Variants in LOXHD1 observed in about 807,000 individuals in gnomAD.
LOXHD1 encodes the protein lipoxygenase homology PLAT domains 1.
In LOXHD1, 205 loss-of-function variants were observed where a neutral mutation model predicts 248.2. The observed-to-expected ratio is 0.83, with a 90% CI of 0.74 to 0.93. The LOEUF is 0.93. Ranked by LOEUF, LOXHD1 falls within the 40% of genes least tolerant of loss-of-function variation. The probability of loss-of-function intolerance (pLI) is 0.00; values close to 1 mark genes in which losing one functional copy is unlikely to be tolerated. For synonymous variants in LOXHD1, 1,113 were observed against 1,162.8 expected (o/e 0.96, Z 0.87); for missense variants, 2,930 against 2,971.6 (o/e 0.99, Z 0.33).
At chr18:46,648,900 C>G (rs2039069846) in intron 2 of LOXHD1, among the ~76,000 whole-genome samples, 1 of 152,204 alleles carries the variant, frequency 6.6e-6, no homozygotes, top group African/African-American at 2.4e-5. Context: ...TATGGGACAG[C>G]TAATATGGAT....
At chr18:46,525,327 G>A (rs1476051430) in intron 29 of LOXHD1, among the ~76,000 whole-genome samples, 5 of 152,168 alleles carry the variant, frequency 3.3e-5, no homozygotes, top group African/African-American at 7.2e-5. Flanking sequence ...TGTGGCAACC[G>A]GAGGGCAAAA....
intron 21 of LOXHD1, among the ~76,000 whole-genome samples, chr18:46,551,266 C>A (rs2037092915): frequency 6.6e-6 from 1 of 152,056 alleles, no homozygotes; most frequent in African/African-American, 2.4e-5. Flanking sequence ...CCACGTCTGG[C>A]TAATTTTTTG....
chr18:46,613,657 G>C (rs35745769), intron 5 of LOXHD1, among the ~76,000 whole-genome samples: 298 of 152,154 alleles, frequency 2.0e-3, no homozygotes, highest in Middle Eastern at 3.4e-3. Context: ...GTGCTTTCAA[G>C]TTTTCAAAAT....
intron 23 of LOXHD1, among the ~76,000 whole-genome samples, chr18:46,543,541 AT>A (rs1310111555): frequency 6.6e-6 from 1 of 151,886 alleles, no homozygotes; most frequent in Admixed American, 6.6e-5. Flanking sequence ...TACATTAGTT[AT>A]TTCTCCTAAG....
chr18:46,511,973 C>A (rs1449499712), intron 34 of LOXHD1, among the ~76,000 whole-genome samples: 1 of 152,092 alleles, frequency 6.6e-6, no homozygotes, highest in Non-Finnish European at 1.5e-5. Flanking sequence ...TTTAATCAAC[C>A]CCCATCTTGC....
chr18:46,634,630 C>T (rs2038869618), intron 4 of LOXHD1, among the ~76,000 whole-genome samples: 1 of 152,084 alleles, frequency 6.6e-6, no homozygotes, highest in South Asian at 2.1e-4. Flanking sequence ...CTCAGTAGGC[C>T]TATGCAAGCA....
At chr18:46,636,741 T>C (rs1051476552) in intron 4 of LOXHD1, among the ~76,000 whole-genome samples, 1 of 152,206 alleles carries the variant, frequency 6.6e-6, no homozygotes, top group Non-Finnish European at 1.5e-5. Context: ...ACTTCATGGA[T>C]GAAATAATAG....
intron 14 of LOXHD1, among the ~76,000 whole-genome samples, 192 bp from the exon 15 acceptor site, chr18:46,572,354 T>C (rs891713547): frequency 6.6e-6 from 1 of 152,018 alleles, no homozygotes; most frequent in African/African-American, 2.4e-5. Context: ...GGCAGTGGTG[T>C]TTGGCTGAGA....
At chr18:46,547,799 T>C (rs1269813848) in intron 21 of LOXHD1, among the ~76,000 whole-genome samples, 1 of 152,206 alleles carries the variant, frequency 6.6e-6, no homozygotes, top group Non-Finnish European at 1.5e-5. Context: ...AGCCAATAGT[T>C]ACAAAATCCC....
At chr18:46,595,848 G>T (rs1287993254) in intron 8 of LOXHD1, among the ~76,000 whole-genome samples, 2 of 152,130 alleles carry the variant, frequency 1.3e-5, no homozygotes, top group Non-Finnish European at 2.9e-5. Context: ...CTCTTGAATT[G>T]TTCTCTCATT....
chr18:46,519,293 G>A (rs2035443475), intron 33 of LOXHD1, among the ~76,000 whole-genome samples: 1 of 152,192 alleles, frequency 6.6e-6, no homozygotes, highest in South Asian at 2.1e-4. Flanking sequence ...TCTGGAGGCT[G>A]CTACATTCCT....
chr18:46,603,445 C>T (rs552466262), intron 7 of LOXHD1, among the ~76,000 whole-genome samples: 1 of 152,142 alleles, frequency 6.6e-6, no homozygotes, highest in East Asian at 1.9e-4. Flanking sequence ...TGGATTTTCT[C>T]CCATGGTGAG....
At chr18:46,592,686 C>T in intron 10 of LOXHD1, 102 bp from the exon 11 acceptor site, 1 of 938,506 alleles carries the variant, frequency 1.1e-6, no homozygotes, top group Non-Finnish European at 1.7e-6. Flanking sequence ...TGGGCTCTTT[C>T]TTCAGCAGTG....
chr18:46,567,622 G>A (rs1042127215), intron 16 of LOXHD1, among the ~76,000 whole-genome samples: 1 of 152,214 alleles, frequency 6.6e-6, no homozygotes, highest in African/African-American at 2.4e-5. Context: ...CACTAGCTCA[G>A]TTCTACAACA....
At chr18:46,560,932 C>T (rs760913657) in intron 18 of LOXHD1, among the ~76,000 whole-genome samples, 2 of 152,168 alleles carry the variant, frequency 1.3e-5, no homozygotes, top group Non-Finnish European at 2.9e-5. Context: ...CTGCCTTTAT[C>T]CCCCTCCTCT....
At chr18:46,558,704 T>C (rs1318649624) in intron 20 of LOXHD1, among the ~76,000 whole-genome samples, 2 of 152,158 alleles carry the variant, frequency 1.3e-5, no homozygotes, top group African/African-American at 2.4e-5. Flanking sequence ...AGATAAGAGA[T>C]AGTTTTCTAG....
intron 33 of LOXHD1, among the ~76,000 whole-genome samples, chr18:46,518,707 C>T (rs2035404936): frequency 6.6e-6 from 1 of 152,240 alleles, no homozygotes; most frequent in South Asian, 2.1e-4. Flanking sequence ...TAGGGATAAG[C>T]TCCCTTGCAG....
intron 16 of LOXHD1, among the ~76,000 whole-genome samples, chr18:46,567,708 A>G (rs2037671491): frequency 6.6e-6 from 1 of 152,236 alleles, no homozygotes; most frequent in Admixed American, 6.5e-5. Context: ...TGTTATTCAC[A>G]TATTTAATAC....
At chr18:46,509,225 AG>A (rs1187952412) in intron 35 of LOXHD1, among the ~76,000 whole-genome samples, 1 of 152,150 alleles carries the variant, frequency 6.6e-6, no homozygotes, top group Non-Finnish European at 1.5e-5. Context: ...TTCCTCAGGC[AG>A]GGTGCTGACG....
Sources: allele counts gnomAD v4.1 joint callset (sites outside exome capture counted in the v4.1 genomes callset), GRCh38; gene constraint gnomAD v4.1.1; transcripts MANE v1.5; gene names NCBI Gene and HGNC (gene_info 2026-07-23, HGNC 2026-07-21).